GREM2: variants seen among roughly 807,000 people sequenced by gnomAD.
GREM2 encodes gremlin-2.
A neutral mutation model predicts 14.2 loss-of-function variants in GREM2; 11 were observed. That is an observed-to-expected ratio of 0.78 (90% CI 0.49 to 1.28). The LOEUF (loss-of-function observed/expected upper bound fraction) is 1.28, where lower values mean the gene tolerates loss of function less well. Ranked by LOEUF, GREM2 falls within the 50% of genes most tolerant of loss-of-function variation. The pLI is 0.00. For synonymous variants in GREM2, 98 were observed against 97.6 expected (o/e 1.00, Z -0.02); for missense variants, 210 against 218.5 (o/e 0.96, Z 0.24).
intron 1 of GREM2, among the ~76,000 whole-genome samples, chr1:240,574,733 G>A (rs1236652784): frequency 1.3e-5 from 2 of 152,082 alleles, no homozygotes; most frequent in Admixed American, 1.3e-4. Context: ...AGTATGGCCT[G>A]TAGTCAACAA....
intron 1 of GREM2, among the ~76,000 whole-genome samples, chr1:240,606,590 A>T (rs1330943117): frequency 3.3e-5 from 5 of 152,046 alleles, no homozygotes; most frequent in Admixed American, 1.3e-4. Context: ...ACACTGCTTT[A>T]TGCACATAGT....
chr1:240,603,834 T>TA (rs1679975147), intron 1 of GREM2, among the ~76,000 whole-genome samples: 1 of 149,646 alleles, frequency 6.7e-6, no homozygotes, highest in South Asian at 2.1e-4. Flanking sequence ...TATATGTATT[T>TA]TATATATATA....
In GREM2 at chr1:240,602,302, T is replaced by A. The variant is rs755539421; in HGVS notation, c.-2+9582A>T. On this transcript the variant is annotated intron_variant, in intron 1 of 1. Coordinates refer to ENST00000318160, the MANE Select transcript of GREM2 (RefSeq NM_022469.4). ...CTTAGTGGGCCAGAATTTAACATTA[T>A]CACTCCATCCCATGATACTTCAGCT... is the stretch of plus-strand genomic sequence containing the variant. Among the ~76,000 whole-genome samples, 20 of 152,224 alleles carry A rather than the reference T, an allele frequency of 1.3e-4. 1 individual carries two copies. Among genetic ancestry groups the A allele is most frequent in the Admixed American group, 2.6e-4 (4 of 15,276 alleles).
In GREM2 at chr1:240,512,177, G is replaced by A. The variant is rs12045415; in HGVS notation, c.-1-18701C>T. On this transcript the variant is annotated intron_variant, in intron 1 of 1. Transcript: ENST00000318160. Reference sequence around the variant, plus strand: ...TGAAGGACAAAGGAAAATTATTTGAGGGAGATTTTTTTCTCAAGAAAAATA... The same window carrying A: ...TGAAGGACAAAGGAAAATTATTTGAAGGAGATTTTTTTCTCAAGAAAAATA... Among the ~76,000 whole-genome samples the A allele has an allele frequency of 5.1e-4, 77 of 152,208 alleles. No homozygotes were observed. In the East Asian group the frequency reaches 0.015, roughly 29 times the overall value.
At chr1:240,609,832 G>T (rs76495932) in intron 1 of GREM2, among the ~76,000 whole-genome samples, 89 of 152,256 alleles carry the variant, frequency 5.8e-4, no homozygotes, top group Non-Finnish European at 1.1e-3. Flanking sequence ...ATTAGAAAAA[G>T]AGATGTTTAC....
chr1:240,611,664 T>C (rs895669241), intron 1 of GREM2, among the ~76,000 whole-genome samples: 2 of 152,182 alleles, frequency 1.3e-5, no homozygotes, highest in African/African-American at 4.8e-5. Context: ...AAGGTCCTTA[T>C]GTTACACCCA....
chr1:240,523,114 G>A (rs1227085631), intron 1 of GREM2, among the ~76,000 whole-genome samples: 1 of 152,058 alleles, frequency 6.6e-6, no homozygotes, highest in African/African-American at 2.4e-5. Flanking sequence ...TTTTTTTTGA[G>A]ACAGAGTTTT....
intron 1 of GREM2, among the ~76,000 whole-genome samples, chr1:240,573,921 G>GTTTGT (rs377211757): frequency 1.3e-5 from 2 of 151,910 alleles, no homozygotes; most frequent in Non-Finnish European, 1.5e-5. Context: ...TAAGAGATAG[G>GTTTGT]TTTGTTTTGT....
At chr1:240,586,772 A>G (rs1481124119) in intron 1 of GREM2, among the ~76,000 whole-genome samples, 1 of 152,216 alleles carries the variant, frequency 6.6e-6, no homozygotes, top group African/African-American at 2.4e-5. Context: ...AATGAAGTTC[A>G]AAAGTGTTGA....
chr1:240,513,603 G>A (rs1314821152), intron 1 of GREM2, among the ~76,000 whole-genome samples: 1 of 150,736 alleles, frequency 6.6e-6, no homozygotes, highest in Non-Finnish European at 1.5e-5. Flanking sequence ...AGAAGAAGAA[G>A]AGAAGAGAAA....
At chr1:240,554,193 C>A (rs1354099270) in intron 1 of GREM2, among the ~76,000 whole-genome samples, 1 of 152,032 alleles carries the variant, frequency 6.6e-6, no homozygotes, top group Non-Finnish European at 1.5e-5. Flanking sequence ...GGCAGATCAC[C>A]TGAGCTCAGG....
At chr1:240,534,665 C>G (rs1678435575) in intron 1 of GREM2, among the ~76,000 whole-genome samples, 1 of 150,388 alleles carries the variant, frequency 6.6e-6, no homozygotes, top group African/African-American at 2.4e-5. Flanking sequence ...TGCACTCCAG[C>G]CTGGGCGACA....
intron 1 of GREM2, among the ~76,000 whole-genome samples, chr1:240,571,324 G>A (rs947597211): frequency 6.6e-6 from 1 of 152,098 alleles, no homozygotes; most frequent in African/African-American, 2.4e-5. Flanking sequence ...AAACAAGAAA[G>A]GTTTGAATTG....
rs781668325 is a variant in GREM2 at position 240,493,260 on chromosome 1, C to G, written c.216G>C (p.Trp72Cys). 5.6e-6 allele frequency: 9 copies of G among 1,613,964 alleles called. No individual in the cohort carries two copies. The highest frequency in any genetic ancestry group is 5.1e-6 in the Non-Finnish European group (6 of 1,180,022). Residue 72 changes from tryptophan (W) to cysteine (C), a missense_variant, in exon 2 of 2, where the codon TGG becomes TGC. Trp to Cys is a radical substitution (Grantham distance 215). Coordinates refer to ENST00000318160, the MANE Select transcript of GREM2 (RefSeq NM_022469.4). ...TCTGCCGCAGCGGCTGCGTCTTGCA[C>G]CAGTCACTCTTGAGGTACTTGCGCT... ...VTERKYLKSD[W>C]CKTQPLRQTV... is the part of the protein sequence containing the mutation.
chr1:240,588,758 A>G (rs1165307830), intron 1 of GREM2: 1 of 152,136 alleles, frequency 6.6e-6, no homozygotes, highest in Non-Finnish European at 1.5e-5. Flanking sequence ...TAAGTTTAGG[A>G]AGCCTAAAGC....
chr1:240,545,591 G>T (rs1025360771), intron 1 of GREM2, among the ~76,000 whole-genome samples: 3 of 150,758 alleles, frequency 2.0e-5, no homozygotes, highest in South Asian at 2.1e-4. Flanking sequence ...ATCAGAAATG[G>T]GGTATCGTCT....
intron 1 of GREM2, among the ~76,000 whole-genome samples, chr1:240,557,995 A>G (rs948646977): frequency 1.3e-5 from 2 of 152,212 alleles, no homozygotes; most frequent in African/African-American, 4.8e-5. Flanking sequence ...TAACTGTGCA[A>G]CATGGTTTTA....
Position 240,493,484 on chromosome 1 carries a change from C to T in GREM2, c.-1-8G>A, listed in dbSNP as rs746531003. The T allele has an allele frequency of 6.3e-6, 10 of 1,594,108 alleles. No homozygotes were observed. The East Asian group carries it at 2.0e-4, about 32-fold the overall frequency. ...GAAAGCTTCCAGAACATCCTGCAAA[C>T]GAGAAAAGAGAGGGGCTGGCTGTGA... On this transcript the variant is annotated splice_region_variant and splice_polypyrimidine_tract_variant and intron_variant, in intron 1 of 1. Coordinates refer to ENST00000318160, the MANE Select transcript of GREM2 (RefSeq NM_022469.4).
intron 1 of GREM2, among the ~76,000 whole-genome samples, chr1:240,521,959 A>AT (rs531809141): frequency 2.6e-5 from 4 of 151,010 alleles, no homozygotes; most frequent in African/African-American, 7.3e-5. Flanking sequence ...CAAAAAAAAA[A>AT]TTTTTTTTTA....
Sources: allele counts gnomAD v4.1 joint callset (sites outside exome capture counted in the v4.1 genomes callset), GRCh38; gene constraint gnomAD v4.1.1; transcripts MANE v1.5; gene names NCBI Gene and HGNC (gene_info 2026-07-23, HGNC 2026-07-21).